IKZF1: variants seen among roughly 807,000 people sequenced by gnomAD.
The protein encoded by IKZF1 is DNA-binding protein Ikaros.
A neutral mutation model predicts 51.7 loss-of-function variants in IKZF1; 10 were observed. The ratio of observed to expected loss-of-function variants is 0.19; its 90% confidence interval spans 0.12 to 0.33. The LOEUF is 0.33. Among genes scored for constraint, IKZF1 ranks in the 10% least tolerant of loss-of-function variants. IKZF1 has a pLI of 1.00. For missense variants in IKZF1, 484 were observed against 707.5 expected, an observed-to-expected ratio of 0.68 and a Z score of 3.58; for synonymous variants, 280 against 282.3, an observed-to-expected ratio of 0.99 and a Z score of 0.08.
chr7:50,360,254 C>T (rs964804559), intron 3 of IKZF1, among the ~76,000 whole-genome samples: 4 of 152,012 alleles, frequency 2.6e-5, no homozygotes, highest in Admixed American at 6.5e-5. Context: ...ATCTTTGAGG[C>T]TGACACCCTG....
intron 7 of IKZF1, among the ~76,000 whole-genome samples, chr7:50,392,660 G>T (rs138731105): frequency 3.3e-5 from 5 of 152,322 alleles, no homozygotes; most frequent in African/African-American, 1.2e-4. Context: ...AATATCCCAT[G>T]ACTCCAAGAT....
At chr7:50,314,841 G>A (rs531990839) in intron 1 of IKZF1, among the ~76,000 whole-genome samples, 1 of 152,342 alleles carries the variant, frequency 6.6e-6, no homozygotes, top group East Asian at 1.9e-4. Context: ...TCTTGCCAAG[G>A]CTCCTCACCT....
At chr7:50,387,655 T>A (rs1274961710) in intron 6 of IKZF1, among the ~76,000 whole-genome samples, 185 bp downstream of exon 6, 1 of 152,156 alleles carries the variant, frequency 6.6e-6, no homozygotes, top group East Asian at 1.9e-4. Context: ...TTCCCAGCTT[T>A]CTAGGTCCTC....
chr7:50,311,266 A>G (rs149315530), intron 1 of IKZF1, among the ~76,000 whole-genome samples: 9 of 152,352 alleles, frequency 5.9e-5, no homozygotes, highest in African/African-American at 2.2e-4. Flanking sequence ...GCAGCCTTTT[A>G]TATTGCAAGG....
chr7:50,400,348 G>A lies in IKZF1; in HGVS notation c.1281G>A (p.Ser427=), dbSNP rs754477141. ...CCCCGCACGCGCGCAACGGGCTGTC[G>A]CTCAAGGAGGAGCACCGCGCCTACG... ...HIAPHARNGL[S]LKEEHRAYDL... The change falls in exon 8 of 8, where the codon TCG becomes TCA. Residue 427 remains serine, a synonymous_variant. Transcript: ENST00000331340. The surrounding 1 kb of genome is among the most constrained non-coding windows in gnomAD (Gnocchi z 5.4). 1.2e-6 allele frequency: 2 copies of A among 1,612,894 alleles called. No individual in the cohort carries two copies. The highest frequency in any genetic ancestry group is 8.5e-7 in the Non-Finnish European group (1 of 1,179,732).
intron 3 of IKZF1, among the ~76,000 whole-genome samples, chr7:50,348,069 C>T (rs1457352810): frequency 6.6e-6 from 1 of 152,054 alleles, no homozygotes; most frequent in African/African-American, 2.4e-5. Flanking sequence ...TGAAGTATGC[C>T]CTTTATTTCA....
rs889662816 is a variant in IKZF1 at position 50,400,750 on chromosome 7, G to C, written c.*123G>C. 1 of 1,272,474 alleles carries C rather than the reference G, an allele frequency of 7.9e-7. No homozygotes were observed. The allele number at this position is 1,272,474 out of a possible 1,614,324, so 78.8% of individuals were successfully genotyped here. A position where few individuals can be genotyped will look rare whatever the true frequency, so the allele number is the denominator to read the frequency against. On this transcript the variant is annotated 3_prime_UTR_variant, in exon 8 of 8. Coordinates refer to ENST00000331340, the MANE Select transcript of IKZF1 (RefSeq NM_006060.6). The surrounding 1 kb of genome is among the most constrained non-coding windows in gnomAD (Gnocchi z 5.4). ...ACCAGACAATGTTGTGTTTGGATTT[G>C]TAACTGTTTTTTGTTTTTTGTTTGA...
At chr7:50,334,293 A>T (rs1797055294) in intron 3 of IKZF1, among the ~76,000 whole-genome samples, 1 of 152,174 alleles carries the variant, frequency 6.6e-6, no homozygotes, top group African/African-American at 2.4e-5. Context: ...TTCCTTGGAA[A>T]ACTGAAATTG....
chr7:50,393,564 G>A (rs769657700), intron 7 of IKZF1, among the ~76,000 whole-genome samples: 2 of 152,208 alleles, frequency 1.3e-5, no homozygotes, highest in African/African-American at 2.4e-5. Flanking sequence ...AGGAGCAAGG[G>A]AGAGAAGGAT....
At chr7:50,396,814 T>A (rs1451337337) in intron 7 of IKZF1, among the ~76,000 whole-genome samples, 1 of 152,224 alleles carries the variant, frequency 6.6e-6, no homozygotes, top group Non-Finnish European at 1.5e-5. Flanking sequence ...TCTCTCTCCC[T>A]CATCTGAAAT....
chr7:50,389,856 C>T (rs1185560890), intron 6 of IKZF1, among the ~76,000 whole-genome samples: 1 of 152,198 alleles, frequency 6.6e-6, no homozygotes, highest in Non-Finnish European at 1.5e-5. Flanking sequence ...CTCTCCTCCT[C>T]TGTTCCCCTC....
chr7:50,390,965 C>T (rs1275615743), intron 6 of IKZF1, among the ~76,000 whole-genome samples: 1 of 152,146 alleles, frequency 6.6e-6, no homozygotes, highest in African/African-American at 2.4e-5. Flanking sequence ...TTATCATCTC[C>T]TTATACACTA....
intron 3 of IKZF1, among the ~76,000 whole-genome samples, chr7:50,329,651 C>T (rs149778028): frequency 0.012 from 1,880 of 152,066 alleles, 41 homozygotes; most frequent in African/African-American, 0.044. Context: ...TTTTTTAGTC[C>T]CTGAAGCACC....
At chr7:50,342,214 G>T (rs1299089893) in intron 3 of IKZF1, among the ~76,000 whole-genome samples, 3 of 152,206 alleles carry the variant, frequency 2.0e-5, no homozygotes, top group Admixed American at 2.0e-4. Flanking sequence ...TTATGTAGCT[G>T]TGTTTTAAGT....
intron 3 of IKZF1, among the ~76,000 whole-genome samples, chr7:50,344,421 C>T (rs191520047): frequency 9.2e-5 from 14 of 152,308 alleles, no homozygotes; most frequent in Admixed American, 5.2e-4. Flanking sequence ...AAGCCAGGTT[C>T]CTTCTCTTCA....
Position 50,402,271 on chromosome 7 carries a change from A to G in IKZF1, c.*1644A>G. On this transcript the variant is annotated 3_prime_UTR_variant, in exon 8 of 8. Coordinates refer to ENST00000331340, the MANE Select transcript of IKZF1 (RefSeq NM_006060.6). Reference sequence around the variant, plus strand: ...GGTGAAATGAAGCAACAGAGAGGAAATTGTACATAAGTACCTCAGCATTTA... The same window carrying G: ...GGTGAAATGAAGCAACAGAGAGGAAGTTGTACATAAGTACCTCAGCATTTA... 4.3e-6 allele frequency: 1 copy of G among 231,098 alleles called. No individual in the cohort carries two copies. Among genetic ancestry groups the G allele is most frequent in the East Asian group, 6.1e-5 (1 of 16,382 alleles). 14.3% of individuals were successfully genotyped at this position (231,098 alleles called of 1,614,324 possible). A position where few individuals can be genotyped will look rare whatever the true frequency, so the allele number is the denominator to read the frequency against.
intron 1 of IKZF1, among the ~76,000 whole-genome samples, chr7:50,315,258 G>A (rs544199560): frequency 6.6e-6 from 1 of 152,228 alleles, no homozygotes; most frequent in Non-Finnish European, 1.5e-5. Flanking sequence ...GAGGGAGGGA[G>A]GGAGAGACAG....
At chr7:50,313,936 C>T (rs756614818) in intron 1 of IKZF1, among the ~76,000 whole-genome samples, 32 of 152,120 alleles carry the variant, frequency 2.1e-4, no homozygotes, top group Non-Finnish European at 3.8e-4. Context: ...CCAGTGAGTA[C>T]CAGTATCCTT....
chr7:50,362,986 G>A (rs1440611355), intron 3 of IKZF1, among the ~76,000 whole-genome samples: 2 of 152,180 alleles, frequency 1.3e-5, no homozygotes, highest in Non-Finnish European at 2.9e-5. Flanking sequence ...ATGTGACGTG[G>A]TTGGAAAACA....
Sources: gnomAD v4.1 joint callset for allele counts (sites outside exome capture counted in the v4.1 genomes callset) on GRCh38, gnomAD v4.1.1 for gene constraint, Gnocchi (gnomAD v3.1) non-coding constraint, MANE v1.5 for transcripts, NCBI Gene and HGNC (gene_info 2026-07-23, HGNC 2026-07-21) for gene names.